Variants in SIL1 observed in about 807,000 individuals in gnomAD.
The protein encoded by SIL1 is SIL1 nucleotide exchange factor.
In SIL1, 40 loss-of-function variants were observed where a neutral mutation model predicts 49.1. That is an observed-to-expected ratio of 0.81 (90% CI 0.63 to 1.06). The LOEUF is 1.06. SIL1 is among the 50% of genes least tolerant of loss of function. The pLI is 0.00. For missense variants in SIL1, 500 were observed against 572.6 expected, an observed-to-expected ratio of 0.87 and a Z score of 1.29; for synonymous variants, 253 against 250.8, an observed-to-expected ratio of 1.01 and a Z score of -0.08.
chr5:139,136,892 C>G (rs1159791912), intron 1 of SIL1, among the ~76,000 whole-genome samples: 1 of 152,062 alleles, frequency 6.6e-6, no homozygotes, highest in East Asian at 1.9e-4. Context: ...GAAGAGCTAC[C>G]CCACAACACA....
intron 3 of SIL1, among the ~76,000 whole-genome samples, chr5:139,054,704 C>T (rs1581062691): frequency 6.6e-6 from 1 of 152,138 alleles, no homozygotes. Context: ...GTGTGCTAAG[C>T]TCGCCAAAGA....
chr5:138,983,775 A>C (rs1316026332), intron 7 of SIL1, among the ~76,000 whole-genome samples: 1 of 152,108 alleles, frequency 6.6e-6, no homozygotes, highest in Non-Finnish European at 1.5e-5. Flanking sequence ...AAGCAGACAG[A>C]CACAGTCTCT....
At chr5:138,967,891 T>C (rs746770992) in intron 7 of SIL1, among the ~76,000 whole-genome samples, 11 of 151,204 alleles carry the variant, frequency 7.3e-5, no homozygotes, top group Admixed American at 6.6e-5. Context: ...GAGGAGAAAC[T>C]TGTGGAAAGT....
In SIL1 at chr5:139,089,829, G is replaced by A. The variant is rs554297270; in HGVS notation, c.244+31206C>T. Among the ~76,000 whole-genome samples, 14 of 152,274 alleles carry A rather than the reference G, an allele frequency of 9.2e-5. 1 individual carries two copies. In the South Asian group the frequency reaches 2.1e-3, roughly 23 times the overall value. ...GGGAAATGTGGATAAACTGCTCAGC[G>A]GGTATGGGATTTCCTTTTGAGGTGA... On this transcript the variant is annotated intron_variant, in intron 3 of 9. Transcript: ENST00000394817.
intron 3 of SIL1, among the ~76,000 whole-genome samples, chr5:139,093,003 T>G (rs1770375588): frequency 1.3e-5 from 2 of 152,082 alleles, no homozygotes; most frequent in African/African-American, 4.8e-5. Flanking sequence ...AAAAAGCAAG[T>G]CCAGCTGGGT....
chr5:139,134,655 G>T (rs1488929334), intron 1 of SIL1, among the ~76,000 whole-genome samples: 1 of 152,186 alleles, frequency 6.6e-6, no homozygotes, highest in African/African-American at 2.4e-5. Context: ...GGCTGAAAAT[G>T]GAGAAACCCG....
At chr5:139,176,927 C>CTTTTTTTTTTTTTTTTTTTTTTTTTTTT (rs70982757) in intron 1 of SIL1, among the ~76,000 whole-genome samples, 1 of 95,788 alleles carries the variant, frequency 1.0e-5, no homozygotes, top group Admixed American at 1.3e-4. Flanking sequence ...AGCTGAGATT[C>CTTTTTTTTTTTTTTTTTTTTTTTTTTTT]TTTTTTTTTT....
chr5:138,996,678 C>T (rs1438931690), intron 7 of SIL1, among the ~76,000 whole-genome samples: 1 of 151,868 alleles, frequency 6.6e-6, no homozygotes, highest in African/African-American at 2.4e-5. Flanking sequence ...AGCCACCACG[C>T]CCAGCTAATT....
intron 1 of SIL1, among the ~76,000 whole-genome samples, chr5:139,129,082 G>C (rs775264288): frequency 1.6e-4 from 24 of 152,160 alleles, no homozygotes; most frequent in Non-Finnish European, 2.6e-4. Flanking sequence ...GGGAGGCAAA[G>C]GTTGCGGTGA....
At chr5:139,015,380 C>G (rs1768376331) in intron 7 of SIL1, among the ~76,000 whole-genome samples, 1 of 151,628 alleles carries the variant, frequency 6.6e-6, no homozygotes, top group Admixed American at 6.6e-5. Context: ...TTGGAAATAT[C>G]CAGATGAATT....
At chr5:139,081,257 T>TA (rs1232304401) in intron 3 of SIL1, among the ~76,000 whole-genome samples, 1 of 152,184 alleles carries the variant, frequency 6.6e-6, no homozygotes, top group East Asian at 1.9e-4. Context: ...ATATAAATTT[T>TA]TTTATTTATT....
At chr5:139,026,193 G>T (rs1255997015) in intron 6 of SIL1, among the ~76,000 whole-genome samples, 1 of 151,942 alleles carries the variant, frequency 6.6e-6, no homozygotes, top group Non-Finnish European at 1.5e-5. Context: ...TTGTTCAATT[G>T]TTCATTATTC....
At chr5:138,958,101 G>A (rs1300721494) in intron 7 of SIL1, among the ~76,000 whole-genome samples, 24 of 152,030 alleles carry the variant, frequency 1.6e-4, no homozygotes, top group South Asian at 4.1e-4. Context: ...TTGACCCCAC[G>A]TCCGATTTAT....
At chr5:139,028,137 A>G (rs1427216315) in intron 5 of SIL1, among the ~76,000 whole-genome samples, 1 of 152,096 alleles carries the variant, frequency 6.6e-6, no homozygotes, top group Admixed American at 6.5e-5. Context: ...AGTGAGCACA[A>G]TAAGAAACTA....
Position 139,067,761 on chromosome 5 carries a change from T to A in SIL1, c.245-16715A>T, listed in dbSNP as rs75693748. 3.7e-3 allele frequency among the ~76,000 whole-genome samples: 559 copies of A among 152,366 alleles called. 4 individuals carry two copies. The highest frequency in any genetic ancestry group is 0.011 in the African/African-American group (474 of 41,590). Reference sequence around the variant, plus strand: ...CTAATAACTGTAGGTAAGGATAAATTAGTGCAAGGCTTTTGGGCATCTGGC... The same window carrying A: ...CTAATAACTGTAGGTAAGGATAAATAAGTGCAAGGCTTTTGGGCATCTGGC... On this transcript the variant is annotated intron_variant, in intron 3 of 9. Transcript: ENST00000394817.
chr5:139,033,764 A>G (rs772848525), intron 5 of SIL1, among the ~76,000 whole-genome samples: 4 of 152,144 alleles, frequency 2.6e-5, no homozygotes, highest in Non-Finnish European at 5.9e-5. Context: ...GGAGTGTTTC[A>G]TGGACACTTA....
chr5:138,950,465 G>A (rs2150376787), intron 9 of SIL1, among the ~76,000 whole-genome samples: 1 of 152,314 alleles, frequency 6.6e-6, no homozygotes, highest in African/African-American at 2.4e-5. Context: ...GAGGGGCCCA[G>A]CCTCCACCAT....
At chr5:138,994,475 A>G (rs1767821379) in intron 7 of SIL1, among the ~76,000 whole-genome samples, 1 of 152,236 alleles carries the variant, frequency 6.6e-6, no homozygotes, top group Non-Finnish European at 1.5e-5. Flanking sequence ...TCTAACTGGA[A>G]AGACATATCA....
At chr5:139,012,612 A>C (rs943358304) in intron 7 of SIL1, 4 of 152,176 alleles carry the variant, frequency 2.6e-5, no homozygotes, top group African/African-American at 9.7e-5. Context: ...AAATGTTCCC[A>C]ATTATGTCAT....
Sources: gnomAD v4.1 joint callset for allele counts (sites outside exome capture counted in the v4.1 genomes callset) on GRCh38, gnomAD v4.1.1 for gene constraint, MANE v1.5 for transcripts, NCBI Gene and HGNC (gene_info 2026-07-23, HGNC 2026-07-21) for gene names.